Variants in UNC5D observed in about 807,000 individuals in gnomAD.
UNC5D encodes netrin receptor UNC5D.
Under a neutral mutation model 105.4 loss-of-function variants are expected in UNC5D, and 39 were observed. The ratio of observed to expected loss-of-function variants is 0.37; its 90% CI spans 0.29 to 0.48. The LOEUF is 0.48. UNC5D is among the 20% of genes least tolerant of loss of function. The pLI is 0.98. For synonymous variants in UNC5D, 452 were observed against 450.4 expected (o/e 1.00, Z -0.04); for missense variants, 991 against 1,202.4 (o/e 0.82, Z 2.60).
chr8:35,745,102 T>C (rs1280003217), intron 11 of UNC5D, among the ~76,000 whole-genome samples: 1 of 151,814 alleles, frequency 6.6e-6, no homozygotes, highest in East Asian at 1.9e-4. Context: ...TTCTAGTTTG[T>C]GGGACAGACA....
At chr8:35,362,789 T>A (rs10954986) in intron 1 of UNC5D, among the ~76,000 whole-genome samples, 65,521 of 151,920 alleles carry the variant, frequency 0.43, 14,420 homozygotes, top group East Asian at 0.7. Context: ...ATTTTTGGCT[T>A]TGTTGGCTGT....
chr8:35,739,598 GTTA>G (rs1201693381), intron 11 of UNC5D, among the ~76,000 whole-genome samples: 1 of 152,202 alleles, frequency 6.6e-6, no homozygotes, highest in Non-Finnish European at 1.5e-5. Context: ...GTTTGTGAAT[GTTA>G]TTAATAGATA....
At chr8:35,348,707 A>G (rs1811982960) in intron 1 of UNC5D, among the ~76,000 whole-genome samples, 1 of 151,938 alleles carries the variant, frequency 6.6e-6, no homozygotes, top group Admixed American at 6.6e-5. Flanking sequence ...TATGACAAGT[A>G]AATTTGAAAA....
intron 3 of UNC5D, among the ~76,000 whole-genome samples, 154 bp from the exon 4 acceptor site, chr8:35,595,400 G>A (rs530872453): frequency 2.6e-5 from 4 of 152,242 alleles, no homozygotes; most frequent in South Asian, 4.2e-4. Flanking sequence ...TTGGAAAAAC[G>A]ATTCTCTTAT....
intron 1 of UNC5D, among the ~76,000 whole-genome samples, chr8:35,502,565 GT>G (rs1211854219): frequency 2.6e-5 from 4 of 151,978 alleles, no homozygotes; most frequent in Non-Finnish European, 5.9e-5. Flanking sequence ...TTGTTTGTTT[GT>G]TTTCTTTTTT....
At chr8:35,271,728 TGTATAC>T (rs1805399784) in intron 1 of UNC5D, among the ~76,000 whole-genome samples, 3 of 120,274 alleles carry the variant, frequency 2.5e-5, no homozygotes, top group Non-Finnish European at 3.5e-5. Flanking sequence ...CATGTATACA[TGTATAC>T]ATATATATTT....
chr8:35,299,040 G>C (rs1359582905), intron 1 of UNC5D, among the ~76,000 whole-genome samples: 2 of 152,210 alleles, frequency 1.3e-5, no homozygotes, highest in African/African-American at 4.8e-5. Context: ...AAGGGAGTCA[G>C]ATATGCCTGG....
chr8:35,550,768 G>T (rs1816073930), intron 2 of UNC5D, among the ~76,000 whole-genome samples: 1 of 152,154 alleles, frequency 6.6e-6, no homozygotes, highest in African/African-American at 2.4e-5. Context: ...ATCAGTAAAG[G>T]TATTGTAGAC....
chr8:35,600,424 G>A (rs1819786306), intron 4 of UNC5D, among the ~76,000 whole-genome samples: 1 of 152,298 alleles, frequency 6.6e-6, no homozygotes, highest in East Asian at 1.9e-4. Flanking sequence ...CACCAACAGT[G>A]TAAAACTGTT....
At chr8:35,247,261 T>C (rs1440210574) in intron 1 of UNC5D, among the ~76,000 whole-genome samples, 3 of 115,842 alleles carry the variant, frequency 2.6e-5, no homozygotes, top group African/African-American at 9.8e-5. Flanking sequence ...CTAAAATATC[T>C]TTGAAATTAC....
In UNC5D at chr8:35,615,277, G is replaced by T. The variant is rs2131001394; in HGVS notation, c.570+19620G>T. The stretch of plus-strand genomic sequence containing the variant: ...TGTCTTTGCTTCCTCTTTTCTTTGT[G>T]CCTGTCAGCTCTACATTATCAGCCC... On this transcript the variant is annotated intron_variant, in intron 4 of 16. Coordinates refer to ENST00000404895, the MANE Select transcript of UNC5D (RefSeq NM_080872.4). Among the ~76,000 whole-genome samples, 2 of 152,130 alleles carry T rather than the reference G, an allele frequency of 1.3e-5. 1 individual carries two copies. Among genetic ancestry groups the T allele is most frequent in the Admixed American group, 1.3e-4 (2 of 15,284 alleles).
At chr8:35,718,122 A>C (rs6991108) in intron 8 of UNC5D, among the ~76,000 whole-genome samples, 1 of 151,394 alleles carries the variant, frequency 6.6e-6, no homozygotes. Context: ...CACCTGTAGA[A>C]TGTAGACAGT....
At chr8:35,412,353 A>T (rs1228788747) in intron 1 of UNC5D, among the ~76,000 whole-genome samples, 1 of 152,022 alleles carries the variant, frequency 6.6e-6, no homozygotes, top group African/African-American at 2.4e-5. Context: ...AAATGTAAGC[A>T]CTATTGCATT....
chr8:35,464,818 C>A (rs778362151), intron 1 of UNC5D, among the ~76,000 whole-genome samples: 3 of 152,208 alleles, frequency 2.0e-5, no homozygotes, highest in Non-Finnish European at 4.4e-5. Context: ...CACATAACAG[C>A]ATAACATTTT....
chr8:35,482,948 G>C (rs1012297673), intron 1 of UNC5D, among the ~76,000 whole-genome samples: 2 of 151,570 alleles, frequency 1.3e-5, no homozygotes, highest in Admixed American at 6.6e-5. Context: ...GATTACAGGC[G>C]CCTGCCACCA....
At chr8:35,473,228 T>G (rs1809861928) in intron 1 of UNC5D, among the ~76,000 whole-genome samples, 1 of 152,120 alleles carries the variant, frequency 6.6e-6, no homozygotes, top group African/African-American at 2.4e-5. Flanking sequence ...CATCTGGGGA[T>G]GTCCCAGAGG....
At chr8:35,339,517 CA>C (rs1811302770) in intron 1 of UNC5D, among the ~76,000 whole-genome samples, 1 of 152,148 alleles carries the variant, frequency 6.6e-6, no homozygotes, top group Non-Finnish European at 1.5e-5. Context: ...TCCAGGGCAT[CA>C]AAAGGTGCAA....
At chr8:35,568,360 T>G (rs1275232933) in intron 3 of UNC5D, 119 bp downstream of exon 3, 1 of 1,336,440 alleles carries the variant, frequency 7.5e-7, no homozygotes, top group Non-Finnish European at 1.0e-6. Flanking sequence ...GGTCTTAAAT[T>G]TACTCTTCTA....
intron 7 of UNC5D, among the ~76,000 whole-genome samples, chr8:35,696,241 T>G (rs969109610): frequency 6.6e-6 from 1 of 151,590 alleles, no homozygotes; most frequent in African/African-American, 2.4e-5. Context: ...ATTCCCAGAT[T>G]CCAAAATTAG....
Sources: allele counts gnomAD v4.1 joint callset (sites outside exome capture counted in the v4.1 genomes callset), GRCh38; gene constraint gnomAD v4.1.1; transcripts MANE v1.5; gene names NCBI Gene and HGNC (gene_info 2026-07-23, HGNC 2026-07-21).